The following CREB3L2 variants were observed in gnomAD, a reference collection of about 807,000 sequenced individuals.
The protein encoded by CREB3L2 is cAMP responsive element binding protein 3 like 2, also known as cyclic AMP-responsive element-binding protein 3-like protein 2.
In CREB3L2, 23 loss-of-function variants were observed where a neutral mutation model predicts 57.2. The observed-to-expected ratio is 0.40, with a 90% CI of 0.29 to 0.57. CREB3L2 has a LOEUF of 0.57. Ranked by LOEUF, CREB3L2 falls within the 20% of genes least tolerant of loss-of-function variation. The pLI is 0.42. For missense variants in CREB3L2, 628 were observed against 634.7 expected, an observed-to-expected ratio of 0.99 and a Z score of 0.11; for synonymous variants, 268 against 265.1, an observed-to-expected ratio of 1.01 and a Z score of -0.11.
chr7:137,908,663 T>C (rs1216261361), intron 4 of CREB3L2, among the ~76,000 whole-genome samples: 4 of 151,980 alleles, frequency 2.6e-5, no homozygotes, highest in African/African-American at 7.2e-5. Flanking sequence ...TGGAAGTGAA[T>C]ACAAGAAACC....
rs1799182506 is a variant in CREB3L2 at position 137,877,451 on chromosome 7, G to A, written c.*3025C>T. 1 of 226,206 alleles carries A rather than the reference G, an allele frequency of 4.4e-6. No individual in the cohort carries two copies. The highest frequency in any genetic ancestry group is 8.8e-6 in the Non-Finnish European group (1 of 113,684). The allele number at this position is 226,206 out of a possible 1,614,324, so 14.0% of individuals were successfully genotyped here. Reference sequence around the variant, plus strand: ...TCACAGAAATTCTTTCTTAAAACTGGCACTGCAGCCTTTCATTTACAATAT... The same window carrying A: ...TCACAGAAATTCTTTCTTAAAACTGACACTGCAGCCTTTCATTTACAATAT... On this transcript the variant is annotated 3_prime_UTR_variant, in exon 12 of 12. Coordinates refer to ENST00000330387, the MANE Select transcript of CREB3L2 (RefSeq NM_194071.4).
chr7:138,000,769 G>C (rs1352865701), intron 1 of CREB3L2, among the ~76,000 whole-genome samples: 1 of 152,046 alleles, frequency 6.6e-6, no homozygotes, highest in Non-Finnish European at 1.5e-5. Context: ...ATCAGTGCTG[G>C]CTATTGAAAA....
At chr7:137,974,767 G>A (rs546550530) in intron 1 of CREB3L2, among the ~76,000 whole-genome samples, 25 of 152,238 alleles carry the variant, frequency 1.6e-4, no homozygotes, top group African/African-American at 5.3e-4. Flanking sequence ...CATCAAGAAC[G>A]GCTCCTAGGT....
At chr7:137,928,408 A>G (rs1175687135) in intron 1 of CREB3L2, 42 bp from the exon 2 acceptor site, 1 of 1,501,902 alleles carries the variant, frequency 6.7e-7, no homozygotes, top group South Asian at 1.1e-5. Flanking sequence ...TCTCTTAACC[A>G]TAATGTGACA....
intron 1 of CREB3L2, among the ~76,000 whole-genome samples, chr7:137,968,901 AGAAG>A (rs1364163255): frequency 3.3e-5 from 5 of 152,332 alleles, no homozygotes; most frequent in African/African-American, 1.2e-4. Flanking sequence ...GTTGGAGAAA[AGAAG>A]GAAGAAAGTG....
intron 1 of CREB3L2, among the ~76,000 whole-genome samples, chr7:137,937,834 A>T (rs1286665814): frequency 1.3e-5 from 2 of 151,726 alleles, no homozygotes; most frequent in Non-Finnish European, 2.9e-5. Context: ...AAAAAAAAAA[A>T]AAAATTAAAT....
intron 4 of CREB3L2, among the ~76,000 whole-genome samples, chr7:137,909,411 C>T (rs1000604038): frequency 1.3e-5 from 2 of 152,188 alleles, no homozygotes; most frequent in African/African-American, 4.8e-5. Flanking sequence ...AACCAGGCTT[C>T]CACGTGAATG....
chr7:137,954,568 T>C (rs969117455), intron 1 of CREB3L2, among the ~76,000 whole-genome samples: 3 of 152,178 alleles, frequency 2.0e-5, no homozygotes, highest in Admixed American at 6.5e-5. Flanking sequence ...AAAGGCAGCT[T>C]ATGCTTGCGT....
intron 1 of CREB3L2, among the ~76,000 whole-genome samples, chr7:137,930,707 A>C (rs2117244725): frequency 6.6e-6 from 1 of 152,308 alleles, no homozygotes; most frequent in East Asian, 1.9e-4. Context: ...CATGTCCTAT[A>C]GGCATGATTG....
chr7:137,894,514 T>C (rs923045282), intron 8 of CREB3L2, among the ~76,000 whole-genome samples: 2 of 152,138 alleles, frequency 1.3e-5, no homozygotes, highest in South Asian at 2.1e-4. Context: ...TCTACCCCAT[T>C]GGCTTCAGGG....
Position 137,875,587 on chromosome 7 carries a change from G to C in CREB3L2, c.*4889C>G, listed in dbSNP as rs1563232704. On this transcript the variant is annotated 3_prime_UTR_variant, in exon 12 of 12. Coordinates refer to ENST00000330387, the MANE Select transcript of CREB3L2 (RefSeq NM_194071.4). ...CTGCTCCAGCACGAAGGGAAGCGATGAGCATCACACAGCAGGGCCATTGCA... is the reference window on the plus strand; with the variant it reads ...CTGCTCCAGCACGAAGGGAAGCGATCAGCATCACACAGCAGGGCCATTGCA... 4.4e-6 allele frequency: 1 copy of C among 224,806 alleles called. No homozygotes were observed. 13.9% of individuals were successfully genotyped at this position (224,806 alleles called of 1,614,324 possible). A position where few individuals can be genotyped will look rare whatever the true frequency, so the allele number is the denominator to read the frequency against.
At chr7:137,924,126 A>G (rs1585630014) in intron 2 of CREB3L2, among the ~76,000 whole-genome samples, 1 of 152,154 alleles carries the variant, frequency 6.6e-6, no homozygotes, top group East Asian at 1.9e-4. Context: ...TGAAAGCCCT[A>G]CTAAATTCAT....
chr7:137,893,234 G>C (rs1799558758), intron 8 of CREB3L2, among the ~76,000 whole-genome samples: 1 of 152,226 alleles, frequency 6.6e-6, no homozygotes, highest in Admixed American at 6.5e-5. Context: ...AACTGAGGCT[G>C]TGGAATTTTG....
Position 138,001,993 on chromosome 7 carries a change from C to G in CREB3L2, c.-288G>C. On this transcript the variant is annotated 5_prime_UTR_variant, in exon 1 of 12. Transcript: ENST00000330387. The surrounding 1 kb of genome is among the most constrained non-coding windows in gnomAD (Gnocchi z 4.2). ...GCATCCAAAATGAAGGCAGAAGACCCGCTCTCATCCCAGGAAAATCCCTTA... is the reference window on the plus strand; with the variant it reads ...GCATCCAAAATGAAGGCAGAAGACCGGCTCTCATCCCAGGAAAATCCCTTA... 1 of 383,796 alleles carries G rather than the reference C, an allele frequency of 2.6e-6. No homozygotes were observed. The highest frequency in any genetic ancestry group is 4.7e-6 in the Non-Finnish European group (1 of 211,344). 23.8% of individuals were successfully genotyped at this position (383,796 alleles called of 1,614,324 possible). A position where few individuals can be genotyped will look rare whatever the true frequency, so the allele number is the denominator to read the frequency against.
At position 137,876,355 on chromosome 7, in the gene CREB3L2, T is replaced by C. The variant is rs1348305385; in HGVS notation, c.*4121A>G. On this transcript the variant is annotated 3_prime_UTR_variant, in exon 12 of 12. Transcript: ENST00000330387. ...ACGTGTGTGTGTGTGTGTGTGTGTG[T>C]GTGTGTGTGTGTGTCAGAGAGAGAA... 4.3e-6 allele frequency: 1 copy of C among 233,136 alleles called. No individual in the cohort carries two copies. The highest frequency in any genetic ancestry group is 2.2e-5 in the African/African-American group (1 of 45,146). The allele number at this position is 233,136 out of a possible 1,614,324, so 14.4% of individuals were successfully genotyped here. A position where few individuals can be genotyped will look rare whatever the true frequency, so the allele number is the denominator to read the frequency against.
chr7:137,947,933 G>A (rs770108460), intron 1 of CREB3L2, among the ~76,000 whole-genome samples: 1 of 152,096 alleles, frequency 6.6e-6, no homozygotes, highest in Non-Finnish European at 1.5e-5. Context: ...CCTCCGGCCC[G>A]ACCTTCATTT....
At position 137,882,380 on chromosome 7, in the gene CREB3L2, A is replaced by G. The variant is rs781089222; in HGVS notation, c.1487+32T>C. The stretch of plus-strand genomic sequence containing the variant: ...ACTCATAACCCACCATCAGTGCACT[A>G]GAGGAGTTGGCTCTGTGTCTCTATG... On this transcript the variant is annotated intron_variant, in intron 11 of 11. Coordinates refer to ENST00000330387, the MANE Select transcript of CREB3L2 (RefSeq NM_194071.4). 6 of 1,540,022 alleles carry G rather than the reference A, an allele frequency of 3.9e-6. No homozygotes were observed. In the African/African-American group the frequency reaches 5.4e-5, roughly 14 times the overall value.
At chr7:137,894,974 A>G (rs1204652956) in intron 8 of CREB3L2, among the ~76,000 whole-genome samples, 1 of 152,234 alleles carries the variant, frequency 6.6e-6, no homozygotes, top group Non-Finnish European at 1.5e-5. Context: ...CTGTAAAATA[A>G]GGTGATTAGC....
chr7:137,885,568 T>C, intron 8 of CREB3L2, 66 bp from the exon 9 acceptor site: 12 of 1,331,160 alleles, frequency 9.0e-6, no homozygotes, highest in Non-Finnish European at 9.7e-6. Flanking sequence ...GATCTCTCCA[T>C]GTGACCCAAG....
Sources: gnomAD v4.1 joint callset for allele counts (sites outside exome capture counted in the v4.1 genomes callset) on GRCh38, gnomAD v4.1.1 for gene constraint, Gnocchi (gnomAD v3.1) non-coding constraint, MANE v1.5 for transcripts, NCBI Gene and HGNC (gene_info 2026-07-23, HGNC 2026-07-21) for gene names.